Variants in CD80 observed in about 807,000 individuals in gnomAD.
CD80 encodes the protein T-lymphocyte activation antigen CD80.
Under a neutral mutation model 27.1 loss-of-function variants are expected in CD80, and 13 were observed. The ratio of observed to expected loss-of-function variants is 0.48; its 90% CI spans 0.31 to 0.76. The LOEUF is 0.76. CD80 is among the 30% of genes least tolerant of loss of function. The pLI, the probability that CD80 is intolerant of heterozygous loss-of-function variation, is 0.04. For missense variants in CD80, 277 were observed against 347.9 expected (o/e 0.80, Z 1.62); for synonymous variants, 125 against 125.5 (o/e 1.00, Z 0.03).
chr3:119,545,486 C>T (rs1490625226), intron 2 of CD80, among the ~76,000 whole-genome samples: 1 of 152,050 alleles, frequency 6.6e-6, no homozygotes, highest in African/African-American at 2.4e-5. Context: ...AACTCTATGC[C>T]CATTAAACAA....
At chr3:119,533,592 C>T (rs1002045778) in intron 4 of CD80, among the ~76,000 whole-genome samples, 7 of 152,096 alleles carry the variant, frequency 4.6e-5, no homozygotes, top group Admixed American at 2.6e-4. Flanking sequence ...ATGAGTCTCA[C>T]GAGATCTGAT....
chr3:119,525,062 C>G lies in CD80; in HGVS notation c.*726G>C, dbSNP rs1272963955. The G allele has an allele frequency of 2.0e-5, 3 of 152,176 alleles. No homozygotes were observed. Among genetic ancestry groups the G allele is most frequent in the Non-Finnish European group, 4.4e-5 (3 of 68,044 alleles). 9.4% of individuals were successfully genotyped at this position (152,176 alleles called of 1,614,324 possible). A position where few individuals can be genotyped will look rare whatever the true frequency, so the allele number is the denominator to read the frequency against. Reference sequence around the variant, plus strand: ...GGACTATCCCTTTCCTCCTTGACTACTGCTTTGACGTACCTAAATCATTCG... The same window carrying G: ...GGACTATCCCTTTCCTCCTTGACTAGTGCTTTGACGTACCTAAATCATTCG... On this transcript the variant is annotated 3_prime_UTR_variant, in exon 7 of 7. Transcript: ENST00000264246.
At chr3:119,530,119 A>C (rs1233845901) in intron 4 of CD80, among the ~76,000 whole-genome samples, 182 bp from the exon 5 acceptor site, 1 of 152,194 alleles carries the variant, frequency 6.6e-6, no homozygotes, top group African/African-American at 2.4e-5. Flanking sequence ...GGCAACTAAT[A>C]GTCAGATGTC....
At chr3:119,546,535 G>A (rs531933031) in intron 2 of CD80, among the ~76,000 whole-genome samples, 19 of 152,242 alleles carry the variant, frequency 1.2e-4, no homozygotes, top group African/African-American at 4.3e-4. Flanking sequence ...CAGTCATGAC[G>A]AAGAATAAGG....
At chr3:119,542,803 C>T (rs916775710) in intron 3 of CD80, among the ~76,000 whole-genome samples, 4 of 152,128 alleles carry the variant, frequency 2.6e-5, no homozygotes, top group Non-Finnish European at 5.9e-5. Context: ...GAGTAGATTG[C>T]CTTTGTAGGA....
Position 119,537,410 on chromosome 3 carries a change from G to A in CD80, c.427C>T (p.Pro143Ser), listed in dbSNP as rs1324077790. ...TCAAAGTCAGATATACTAGGTGTAG[G>A]GAAGTCAGCTAAAGAAAGAACAAGA... ...EVTLSVKADF[P>S]TPSISDFEIP... Residue 143 changes from proline (P) to serine (S), a missense_variant, in exon 4 of 7, where the codon CCT (proline) becomes TCT (serine). Physicochemically the swap from Pro to Ser is moderately conservative, Grantham distance 74. Transcript: ENST00000264246. 1.3e-6 allele frequency: 2 copies of A among 1,597,946 alleles called. No individual in the cohort carries two copies. The highest frequency in any genetic ancestry group is 1.7e-5 in the Admixed American group (1 of 59,764).
chr3:119,541,067 C>A (rs1419737379), intron 3 of CD80, among the ~76,000 whole-genome samples: 1 of 151,486 alleles, frequency 6.6e-6, no homozygotes, highest in African/African-American at 2.4e-5. Context: ...AAAAAAGTTT[C>A]AAAATCTTTC....
intron 3 of CD80, among the ~76,000 whole-genome samples, chr3:119,541,307 C>A (rs1025783919): frequency 3.3e-5 from 5 of 152,280 alleles, no homozygotes; most frequent in African/African-American, 1.2e-4. Flanking sequence ...GAGGAAAAAT[C>A]CATTAACCTA....
chr3:119,544,297 A>C, intron 3 of CD80: 1 of 504,024 alleles, frequency 2.0e-6, no homozygotes, highest in Non-Finnish European at 3.6e-6. Context: ...GAGGCTCTTT[A>C]GGTCATTATA....
intron 2 of CD80, among the ~76,000 whole-genome samples, chr3:119,555,131 T>G (rs1378790380): frequency 6.6e-6 from 1 of 152,184 alleles, no homozygotes; most frequent in Non-Finnish European, 1.5e-5. Flanking sequence ...TTAGAGCTGC[T>G]TTAGGTTCAT....
At chr3:119,553,171 G>A (rs1263679478) in intron 2 of CD80, among the ~76,000 whole-genome samples, 2 of 150,540 alleles carry the variant, frequency 1.3e-5, no homozygotes, top group Middle Eastern at 3.4e-3. Flanking sequence ...GCAGAGTCTC[G>A]CTCTGTTGCC....
At chr3:119,538,643 CT>C (rs2082151671) in intron 3 of CD80, among the ~76,000 whole-genome samples, 1 of 152,198 alleles carries the variant, frequency 6.6e-6, no homozygotes, top group African/African-American at 2.4e-5. Flanking sequence ...AACATTGACT[CT>C]TAAGTCTGTT....
chr3:119,535,242 A>G (rs35181777), intron 4 of CD80, among the ~76,000 whole-genome samples: 12,051 of 152,112 alleles, frequency 0.079, 619 homozygotes, highest in Non-Finnish European at 0.11. Flanking sequence ...AGAGTAAATC[A>G]TACACTAGCA....
chr3:119,532,027 C>A lies in CD80; in HGVS notation c.701-2090G>T, dbSNP rs555603375. ...TTTAGCCAGTTGGAATCTTCTCCTT[C>A]TTGGACTTCTGTGACACCACATCCT... On this transcript the variant is annotated intron_variant, in intron 4 of 6. Transcript: ENST00000264246. Among the ~76,000 whole-genome samples the A allele has an allele frequency of 8.5e-5, 13 of 152,312 alleles. No homozygotes were observed. The South Asian group carries it at 1.4e-3, about 17-fold the overall frequency.
Position 119,527,782 on chromosome 3 carries a change from G to T in CD80, c.856C>A (p.Arg286Ser), listed in dbSNP as rs145279608. The change falls in exon 6 of 7, where the codon CGC becomes AGC. Residue 286 changes from arginine to serine, a missense_variant. By Grantham distance (110) the Arg-to-Ser change is moderately radical. Transcript: ENST00000264246. ...RNERLRRESV[R>S]PV The stretch of plus-strand genomic sequence containing the variant: ...TTCTGCGGACACTGTTATACAGGGC[G>T]TACACTTTCCCTTCTCAATCTCTCA... 1.2e-5 allele frequency: 20 copies of T among 1,613,602 alleles called. No homozygotes were observed. The African/African-American group carries it at 2.4e-4, about 19-fold the overall frequency.
At position 119,527,981 on chromosome 3, in the gene CD80, G is replaced by A. The variant is rs549507192; in HGVS notation, c.797-140C>T. 113 of 687,502 alleles carry A rather than the reference G, an allele frequency of 1.6e-4. 1 individual carries two copies. In the African/African-American group the frequency reaches 1.7e-3, roughly 10 times the overall value. The allele number at this position is 687,502 out of a possible 1,614,324, so 42.6% of individuals were successfully genotyped here. ...TCTTATACCAGGGGTGATTTACAAT[G>A]CTCCCTCTTTACCTCTTTGCCAAGG... On this transcript the variant is annotated intron_variant, in intron 5 of 6. Coordinates refer to ENST00000264246, the MANE Select transcript of CD80 (RefSeq NM_005191.4).
intron 4 of CD80, among the ~76,000 whole-genome samples, chr3:119,535,192 A>AC (rs1269122761): frequency 8.9e-6 from 1 of 112,042 alleles, no homozygotes; most frequent in Non-Finnish European, 2.0e-5. Flanking sequence ...ACTCCGTCTC[A>AC]AAAAAAAAAA....
rs955124569 is a variant in CD80 at position 119,529,240 on chromosome 3, C to T, written c.796+602G>A. ...GCTGGGATTACAGGCATGAGCCACCCCACCCAGCCCAAGAACTGAGAATTG... is the reference window on the plus strand; with the variant it reads ...GCTGGGATTACAGGCATGAGCCACCTCACCCAGCCCAAGAACTGAGAATTG... On this transcript the variant is annotated intron_variant, in intron 5 of 6. Transcript: ENST00000264246. 4.6e-5 allele frequency among the ~76,000 whole-genome samples: 7 copies of T among 152,230 alleles called. No individual in the cohort carries two copies. The East Asian group carries it at 1.4e-3, about 30-fold the overall frequency.
chr3:119,536,388 T>C (rs2082138405), intron 4 of CD80, among the ~76,000 whole-genome samples: 1 of 152,214 alleles, frequency 6.6e-6, no homozygotes, highest in African/African-American at 2.4e-5. Flanking sequence ...TTGCCCAGGC[T>C]GGAGTCTAGT....
Sources: gnomAD v4.1 joint callset for allele counts (sites outside exome capture counted in the v4.1 genomes callset) on GRCh38, gnomAD v4.1.1 for gene constraint, MANE v1.5 for transcripts, NCBI Gene and HGNC (gene_info 2026-07-23, HGNC 2026-07-21) for gene names.